SPHKAP: variants seen among roughly 807,000 people sequenced by gnomAD.
SPHKAP encodes A-kinase anchor protein SPHKAP.
In SPHKAP, 67 loss-of-function variants were observed where a neutral mutation model predicts 137.5. The observed-to-expected ratio is 0.49, with a 90% CI of 0.40 to 0.60. The LOEUF is 0.60. Ranked by LOEUF, SPHKAP falls within the 20% of genes least tolerant of loss-of-function variation. The probability of loss-of-function intolerance (pLI) is 0.00; values close to 1 mark genes in which losing one functional copy is unlikely to be tolerated. For synonymous variants in SPHKAP, 813 were observed against 785.3 expected, an observed-to-expected ratio of 1.04 and a Z score of -0.59; for missense variants, 2,097 against 2,069.3, an observed-to-expected ratio of 1.01 and a Z score of -0.26.
chr2:228,160,612 A>T (rs1463253131), intron 1 of SPHKAP, among the ~76,000 whole-genome samples: 5 of 152,146 alleles, frequency 3.3e-5, no homozygotes, highest in African/African-American at 1.2e-4. Context: ...CTCCCACCAG[A>T]TCCCTCCCAT....
intron 9 of SPHKAP, 59 bp downstream of exon 9, chr2:227,993,475 A>T (rs1031222117): frequency 2.1e-6 from 3 of 1,454,852 alleles, no homozygotes; most frequent in Non-Finnish European, 2.8e-6. Flanking sequence ...ATCAAAATGG[A>T]TTGCCAGATG....
intron 3 of SPHKAP, among the ~76,000 whole-genome samples, chr2:228,106,370 C>T (rs1001877675): frequency 8.6e-5 from 13 of 152,040 alleles, no homozygotes; most frequent in African/African-American, 3.1e-4. Flanking sequence ...GTTAAAGAAG[C>T]AAGAATAACC....
chr2:228,124,890 C>T (rs946797749), intron 2 of SPHKAP, among the ~76,000 whole-genome samples: 49 of 152,100 alleles, frequency 3.2e-4, no homozygotes, highest in African/African-American at 1.1e-3. Flanking sequence ...TAAAATGAAA[C>T]ATCCGGGGAC....
At chr2:228,022,404 G>T (rs1008152236) in intron 5 of SPHKAP, among the ~76,000 whole-genome samples, 5 of 152,244 alleles carry the variant, frequency 3.3e-5, no homozygotes, top group Admixed American at 3.3e-4. Flanking sequence ...TTTGATAATT[G>T]GCTTTACCCA....
At chr2:228,108,586 T>C (rs748879999) in intron 3 of SPHKAP, among the ~76,000 whole-genome samples, 1 of 152,246 alleles carries the variant, frequency 6.6e-6, no homozygotes, top group Middle Eastern at 3.2e-3. Context: ...TTCGCAGTCA[T>C]TTTTGTAAAT....
At chr2:228,070,415 A>G (rs1696969496) in intron 3 of SPHKAP, among the ~76,000 whole-genome samples, 1 of 152,144 alleles carries the variant, frequency 6.6e-6, no homozygotes, top group African/African-American at 2.4e-5. Flanking sequence ...GTGGAAATGC[A>G]TAGTAAATTC....
At chr2:228,114,682 A>C (rs555818262) in intron 2 of SPHKAP, among the ~76,000 whole-genome samples, 1 of 152,248 alleles carries the variant, frequency 6.6e-6, no homozygotes, top group Admixed American at 6.5e-5. Flanking sequence ...AATTTAGACA[A>C]TATCTGTTTC....
intron 11 of SPHKAP, among the ~76,000 whole-genome samples, chr2:227,986,681 C>T (rs747790169): frequency 7.2e-5 from 11 of 152,296 alleles, no homozygotes; most frequent in South Asian, 2.1e-4. Flanking sequence ...CCTCTTCTGA[C>T]GCCCACTTTC....
In SPHKAP at chr2:228,016,388, C is replaced by T. The variant is rs1321252770; in HGVS notation, c.4448+18G>A. 2 of 1,560,548 alleles carry T rather than the reference C, an allele frequency of 1.3e-6. No individual in the cohort carries two copies. Among genetic ancestry groups the T allele is most frequent in the Admixed American group, 4.0e-5 (2 of 50,448 alleles). ...TCCAGTCACATGCACCCTATGTAGT[C>T]TGAGACGATTCACTCACCTATGGAT... On this transcript the variant is annotated intron_variant, in intron 7 of 11. Coordinates refer to ENST00000392056, the MANE Select transcript of SPHKAP (RefSeq NM_001142644.2).
At chr2:228,086,665 A>C (rs1261906733) in intron 3 of SPHKAP, among the ~76,000 whole-genome samples, 1 of 152,180 alleles carries the variant, frequency 6.6e-6, no homozygotes, top group Non-Finnish European at 1.5e-5. Flanking sequence ...ACCTCGGAGG[A>C]TACCAGTCTA....
chr2:228,115,048 G>A lies in SPHKAP; in HGVS notation c.139-6109C>T, dbSNP rs142725817. 1.1e-3 allele frequency among the ~76,000 whole-genome samples: 161 copies of A among 152,234 alleles called. 1 individual carries two copies. Among genetic ancestry groups the A allele is most frequent in the Admixed American group, 3.7e-3 (56 of 15,262 alleles). ...GTTGAAAGGTGGATTTGTGTTGTCTGGATGTATCAGGGCAGGTGGAGAAGA... is the reference window on the plus strand; with the variant it reads ...GTTGAAAGGTGGATTTGTGTTGTCTAGATGTATCAGGGCAGGTGGAGAAGA... On this transcript the variant is annotated intron_variant, in intron 2 of 11. Transcript: ENST00000392056.
chr2:228,091,609 A>G (rs567091866), intron 3 of SPHKAP, among the ~76,000 whole-genome samples: 1 of 152,310 alleles, frequency 6.6e-6, no homozygotes, highest in East Asian at 1.9e-4. Flanking sequence ...TGTGCTAAGG[A>G]CATAAATAGA....
In SPHKAP at chr2:228,000,868, T is replaced by C. The variant is rs138876918; in HGVS notation, c.4449-5174A>G. Among the ~76,000 whole-genome samples the C allele has an allele frequency of 3.1e-3, 476 of 152,288 alleles. 8 individuals carry two copies. The highest frequency in any genetic ancestry group is 0.01 in the African/African-American group (426 of 41,586). ...AAACATCTGTGTGCAGGTTTTTATA[T>C]GGGCATAAGTTTTCAACGTGTTTGG... On this transcript the variant is annotated intron_variant, in intron 7 of 11. Coordinates refer to ENST00000392056, the MANE Select transcript of SPHKAP (RefSeq NM_001142644.2).
rs1694761388 is a variant in SPHKAP at position 228,019,720 on chromosome 2, G to A, written c.1134C>T (p.Leu378=). The A allele has an allele frequency of 6.2e-7, 1 of 1,614,076 alleles. No individual in the cohort carries two copies. The highest frequency in any genetic ancestry group is 1.3e-5 in the African/African-American group (1 of 74,942). ...PGDHEDTRNA[L]PPRQDGEVTT... is the part of the protein sequence containing the mutation. ...TGACTTCTCCATCTTGTCTAGGAGG[G>A]AGAGCGTTTCTTGTGTCTTCATGGT... The change falls in exon 7 of 12, where the codon CTC becomes CTT. Residue 378 remains leucine, a synonymous_variant. Coordinates refer to ENST00000392056, the MANE Select transcript of SPHKAP (RefSeq NM_001142644.2).
At chr2:228,038,089 G>C (rs908323563) in intron 3 of SPHKAP, among the ~76,000 whole-genome samples, 2 of 152,216 alleles carry the variant, frequency 1.3e-5, no homozygotes, top group Non-Finnish European at 2.9e-5. Context: ...TGTCTTCAAA[G>C]TGCTTGGTGT....
chr2:228,017,790 C>T lies in SPHKAP; in HGVS notation c.3064G>A (p.Val1022Met). 1.9e-6 allele frequency: 3 copies of T among 1,614,172 alleles called. No homozygotes were observed. The highest frequency in any genetic ancestry group is 2.5e-6 in the Non-Finnish European group (3 of 1,180,036). Residue 1022 changes from valine (V) to methionine (M), a missense_variant, in exon 7 of 12, where the codon GTG (valine) becomes ATG (methionine). Val to Met is a conservative substitution (Grantham distance 21). Transcript: ENST00000392056. Reference protein sequence around the residue: ...ELKEKLMNRVVDESMNLEDVP... With the variant: ...ELKEKLMNRVMDESMNLEDVP... ...TCTTCAAGGTTCATGGACTCATCCA[C>T]AACCCTGTTCATCAGCTTTTCTTTA...
intron 1 of SPHKAP, among the ~76,000 whole-genome samples, chr2:228,175,815 T>A (rs770961483): frequency 2.1e-4 from 32 of 152,038 alleles, no homozygotes; most frequent in Non-Finnish European, 3.5e-4. Context: ...TAGATTTTTT[T>A]AAAAAGATAG....
chr2:228,154,533 T>TATATATATATATA (rs57634967), intron 1 of SPHKAP, among the ~76,000 whole-genome samples: 21 of 15,520 alleles, frequency 1.4e-3, no homozygotes, highest in Non-Finnish European at 1.7e-3. Context: ...TATATATATA[T>TATATATATATATA]TTTTTTTTTT....
At chr2:228,083,184 G>GAT (rs1697418124) in intron 3 of SPHKAP, among the ~76,000 whole-genome samples, 1 of 152,168 alleles carries the variant, frequency 6.6e-6, no homozygotes, top group Non-Finnish European at 1.5e-5. Context: ...GCAATAGATG[G>GAT]GGTATATTAC....
Sources: allele counts gnomAD v4.1 joint callset (sites outside exome capture counted in the v4.1 genomes callset), GRCh38; gene constraint gnomAD v4.1.1; transcripts MANE v1.5; gene names NCBI Gene and HGNC (gene_info 2026-07-23, HGNC 2026-07-21).